Variants in ARHGAP6 observed in about 807,000 individuals in gnomAD.
The protein encoded by ARHGAP6 is Rho GTPase activating protein 6.
A neutral mutation model predicts 55.7 loss-of-function variants in ARHGAP6; 16 were observed. The ratio of observed to expected loss-of-function variants is 0.29; its 90% CI spans 0.19 to 0.44. ARHGAP6 has a LOEUF of 0.44. ARHGAP6 is among the 20% of genes least tolerant of loss of function. The pLI is 1.00. For synonymous variants in ARHGAP6, 382 were observed against 360.9 expected, an observed-to-expected ratio of 1.06 and a Z score of -0.66; for missense variants, 698 against 808.9, an observed-to-expected ratio of 0.86 and a Z score of 1.66.
intron 1 of ARHGAP6, among the ~76,000 whole-genome samples, chrX:11,609,276 GAGA>G (rs1283230046): frequency 2.7e-5 from 3 of 111,779 alleles, no homozygotes; most frequent in Admixed American, 9.5e-5. Context: ...AGTGAAATGT[GAGA>G]AGAAGAAAAA....
At chrX:11,578,973 T>C (rs189962124) in intron 1 of ARHGAP6, among the ~76,000 whole-genome samples, 10 of 94,004 alleles carry the variant, frequency 1.1e-4, no homozygotes, top group African/African-American at 3.8e-4. Flanking sequence ...AGATGAGAAT[T>C]GAACAAGGAG....
chrX:11,343,558 A>T (rs148135381), intron 1 of ARHGAP6, among the ~76,000 whole-genome samples: 18 of 112,205 alleles, frequency 1.6e-4, no homozygotes, highest in African/African-American at 5.5e-4. Context: ...AATATAGAGA[A>T]ATTCTTTACA....
At chrX:11,633,752 G>A (rs1413064981) in intron 1 of ARHGAP6, among the ~76,000 whole-genome samples, 3 of 111,688 alleles carry the variant, frequency 2.7e-5, no homozygotes, top group Non-Finnish European at 3.8e-5. Flanking sequence ...GATCTATAAT[G>A]AAGGAATTGA....
intron 1 of ARHGAP6, among the ~76,000 whole-genome samples, chrX:11,565,141 C>T (rs1414903841): frequency 8.9e-6 from 1 of 112,303 alleles, no homozygotes; most frequent in Non-Finnish European, 1.9e-5. Context: ...CTGTGTGAAG[C>T]ATAGGTACTA....
chrX:11,466,372 C>T (rs758980930), intron 1 of ARHGAP6, among the ~76,000 whole-genome samples: 5 of 109,647 alleles, frequency 4.6e-5, no homozygotes, highest in Non-Finnish European at 7.6e-5. Context: ...AGGACAACTT[C>T]GGTAAAAAAT....
At chrX:11,658,808 G>C (rs139054455) in intron 1 of ARHGAP6, among the ~76,000 whole-genome samples, 26 of 108,156 alleles carry the variant, frequency 2.4e-4, no homozygotes, top group Middle Eastern at 4.7e-3. Context: ...TATACAGGGC[G>C]TCTCAACCTC....
At chrX:11,608,837 G>A (rs1051669166) in intron 1 of ARHGAP6, among the ~76,000 whole-genome samples, 1 of 111,150 alleles carries the variant, frequency 9.0e-6, no homozygotes, top group Non-Finnish European at 1.9e-5. Context: ...ATGATTCTGA[G>A]GCCTCCCCAG....
intron 1 of ARHGAP6, among the ~76,000 whole-genome samples, chrX:11,350,246 GGGTGA>G (rs777990489): frequency 8.9e-6 from 1 of 112,000 alleles, no homozygotes; most frequent in South Asian, 3.7e-4. Flanking sequence ...CTATGGGGCT[GGGTGA>G]AAAAACAAGA....
At chrX:11,250,838 A>T (rs987118819) in intron 2 of ARHGAP6, among the ~76,000 whole-genome samples, 1 of 111,312 alleles carries the variant, frequency 9.0e-6, no homozygotes, top group Non-Finnish European at 1.9e-5. Context: ...TATTATATTC[A>T]CAAGTTCCAG....
chrX:11,245,573 A>G (rs2047341722), intron 2 of ARHGAP6, among the ~76,000 whole-genome samples: 1 of 112,395 alleles, frequency 8.9e-6, no homozygotes, highest in Non-Finnish European at 1.9e-5. Flanking sequence ...CCTGTTCTCT[A>G]TTCCATATAC....
At chrX:11,492,999 A>G (rs767087009) in intron 1 of ARHGAP6, among the ~76,000 whole-genome samples, 1 of 111,967 alleles carries the variant, frequency 8.9e-6, no homozygotes, top group African/African-American at 3.2e-5. Context: ...AAGATGGCAA[A>G]GCCAGTGTCA....
chrX:11,253,836 T>C (rs181953051), intron 2 of ARHGAP6, among the ~76,000 whole-genome samples: 212 of 106,541 alleles, frequency 2.0e-3, no homozygotes, highest in African/African-American at 5.5e-3. Flanking sequence ...ACCCAGGAGG[T>C]GGAGGTTGCA....
intron 1 of ARHGAP6, among the ~76,000 whole-genome samples, chrX:11,377,722 G>A (rs1307069606): frequency 1.8e-5 from 2 of 111,402 alleles, no homozygotes; most frequent in Non-Finnish European, 3.8e-5. Context: ...CCATTCATTC[G>A]TTGCCAACAT....
At chrX:11,185,322 T>C (rs1229911510) in intron 5 of ARHGAP6, among the ~76,000 whole-genome samples, 1 of 112,182 alleles carries the variant, frequency 8.9e-6, no homozygotes, top group Non-Finnish European at 1.9e-5. Context: ...TTAGTTTTAT[T>C]AGGTCATCCA....
At chrX:11,439,659 A>G (rs2050021773) in intron 1 of ARHGAP6, among the ~76,000 whole-genome samples, 1 of 112,502 alleles carries the variant, frequency 8.9e-6, no homozygotes, top group South Asian at 3.7e-4. Context: ...TTTCATTTAT[A>G]GTCTGGAAAC....
chrX:11,186,831 T>C (rs2046392180), intron 4 of ARHGAP6, among the ~76,000 whole-genome samples: 2 of 111,687 alleles, frequency 1.8e-5, no homozygotes, highest in South Asian at 7.6e-4. Context: ...CTCTAGGAAG[T>C]ATATTTTTAA....
In ARHGAP6 at chrX:11,195,987, A is replaced by AG. The variant is rs1555968495; in HGVS notation, c.820+937dup. On this transcript the variant is annotated intron_variant, in intron 3 of 12. Coordinates refer to ENST00000337414, the MANE Select transcript of ARHGAP6 (RefSeq NM_013427.3). ...AAAAAAAAAAAAAAAAAAAAAAAAA[A>AG]GCCGGTTGTGGTGGTGGGCGCCTGT... is the stretch of plus-strand genomic sequence containing the variant. 6.7e-3 allele frequency among the ~76,000 whole-genome samples: 643 copies of AG among 95,470 alleles called. 10 individuals carry two copies. Among genetic ancestry groups the AG allele is most frequent in the Middle Eastern group, 0.026 (5 of 190 alleles). The allele number at this position is 95,470 out of a possible 115,157, so 82.9% of individuals were successfully genotyped here.
chrX:11,333,925 T>C (rs2048594662), intron 1 of ARHGAP6, among the ~76,000 whole-genome samples: 1 of 111,522 alleles, frequency 9.0e-6, no homozygotes, highest in Non-Finnish European at 1.9e-5. Flanking sequence ...AATTGACAAG[T>C]TTTTTGGTGC....
At chrX:11,394,715 AT>A (rs925789470) in intron 1 of ARHGAP6, among the ~76,000 whole-genome samples, 2 of 110,670 alleles carry the variant, frequency 1.8e-5, no homozygotes, top group African/African-American at 6.6e-5. Flanking sequence ...AATAAACATC[AT>A]TTTTTTGTTA....
Sources: gnomAD v4.1 joint callset for allele counts (sites outside exome capture counted in the v4.1 genomes callset) on GRCh38, gnomAD v4.1.1 for gene constraint, MANE v1.5 for transcripts, NCBI Gene and HGNC (gene_info 2026-07-23, HGNC 2026-07-21) for gene names.